ALOX12B: variants seen among roughly 807,000 people sequenced by gnomAD.
The protein encoded by ALOX12B is arachidonate 12-lipoxygenase, 12R-type.
ALOX12B carries 47 observed loss-of-function variants against 78.9 expected under a neutral mutation model. The ratio of observed to expected loss-of-function variants is 0.60; its 90% confidence interval spans 0.47 to 0.76. ALOX12B has a LOEUF of 0.76. ALOX12B is among the 30% of genes least tolerant of loss of function. The pLI, the probability that ALOX12B is intolerant of heterozygous loss-of-function variation, is 0.00. For missense variants in ALOX12B, 805 were observed against 922.6 expected (o/e 0.87, Z 1.65); for synonymous variants, 370 against 374.5 (o/e 0.99, Z 0.14).
rs2151820983 is a variant in ALOX12B, at chr17:8,073,147, C to T, written c.1926+1G>A. On this transcript the variant is annotated splice_donor_variant, in intron 14 of 14. Transcript: ENST00000647874. LOFTEE classifies it high-confidence loss of function. ...TCAGAGTCCCCCATCCCGTCTCGCA[C>T]CCTGTCGTCAGGCTCTCGGCTGAGG... The T allele has an allele frequency of 6.2e-7, 1 of 1,614,156 alleles. No homozygotes were observed. The highest frequency in any genetic ancestry group is 1.6e-4 in the Middle Eastern group (1 of 6,062).
At chr17:8,081,289 G>A (rs1977213374) in intron 2 of ALOX12B, 102 bp from the exon 3 acceptor site, 2 of 1,202,902 alleles carry the variant, frequency 1.7e-6, no homozygotes, top group Non-Finnish European at 2.4e-6. Flanking sequence ...CTCTGGGGGG[G>A]CCCATGACCA....
rs773652735 is a variant in ALOX12B at position 8,081,151 on chromosome 17, A to T, written c.389T>A (p.Leu130Gln). 1 of 1,613,688 alleles carries T rather than the reference A, an allele frequency of 6.2e-7. No individual in the cohort carries two copies. The highest frequency in any genetic ancestry group is 8.5e-7 in the Non-Finnish European group (1 of 1,179,950). The change falls in exon 3 of 15, where the codon CTG (leucine) becomes CAG (glutamine). Residue 130 changes from leucine to glutamine, a missense_variant. By Grantham distance (113) the Leu-to-Gln change is moderately radical. Transcript: ENST00000647874. ...TCTGATCTCCTCTTTTCTGTGCTCC[A>T]GGAGGACGGGGAGCGAGTCATCTGC... ...TTADDSLPVL[L>Q]EHRKEEIRAK... is the part of the protein sequence containing the mutation.
chr17:8,080,196 T>A lies in ALOX12B; in HGVS notation c.754+39A>T. 1 of 1,603,378 alleles carries A rather than the reference T, an allele frequency of 6.2e-7. No individual in the cohort carries two copies. The highest frequency in any genetic ancestry group is 8.5e-7 in the Non-Finnish European group (1 of 1,170,354). ...CCTGCCTAGCACGCCGGAGACCGCC[T>A]GGCTCCCCCTGCTCGATCCGGGACG... On this transcript the variant is annotated intron_variant, in intron 6 of 14. Transcript: ENST00000647874. The surrounding 1 kb of genome is among the most constrained non-coding windows in gnomAD (Gnocchi z 4.8).
At chr17:8,073,574 G>T in intron 13 of ALOX12B, 83 bp downstream of exon 13, 1 of 1,306,258 alleles carries the variant, frequency 7.7e-7, no homozygotes, top group Non-Finnish European at 1.1e-6. Flanking sequence ...TTATGGCTGA[G>T]GCTGGGTTTG....
Position 8,076,119 on chromosome 17 carries a change from C to T in ALOX12B, c.1532+56G>A, listed in dbSNP as rs1598178312. The T allele has an allele frequency of 5.0e-6, 8 of 1,609,958 alleles. No homozygotes were observed. The East Asian group carries it at 1.8e-4, about 36-fold the overall frequency. On this transcript the variant is annotated intron_variant, in intron 11 of 14. Coordinates refer to ENST00000647874, the MANE Select transcript of ALOX12B (RefSeq NM_001139.3). Reference sequence around the variant, plus strand: ...GTTCTCTAGAAGCTCCCCACACCCTCTCCAACATCCCAGGTTGTCCACCCT... The same window carrying T: ...GTTCTCTAGAAGCTCCCCACACCCTTTCCAACATCCCAGGTTGTCCACCCT...
At position 8,073,324 on chromosome 17, in the gene ALOX12B, G is replaced by T. The variant is rs1457402512; in HGVS notation, c.1756-6C>A. The T allele has an allele frequency of 1.9e-6, 3 of 1,614,180 alleles. No homozygotes were observed. The highest frequency in any genetic ancestry group is 3.3e-5 in the Admixed American group (2 of 60,034). On this transcript the variant is annotated splice_region_variant and splice_polypyrimidine_tract_variant and intron_variant, in intron 13 of 14. Transcript: ENST00000647874. ...ATCCAGGCGGTGAACTCCATCTGGA[G>T]GTGGGATAGAGGCGCGGGTCTGGGT...
At chr17:8,083,054 T>A (rs1013453893) in intron 2 of ALOX12B, among the ~76,000 whole-genome samples, 5 of 152,184 alleles carry the variant, frequency 3.3e-5, no homozygotes, top group African/African-American at 4.8e-5. Context: ...CTATATACAA[T>A]CTTTATTTAA....
At position 8,080,735 on chromosome 17, in the gene ALOX12B, C is replaced by T; in HGVS notation, c.573G>A (p.Lys191=). 1 of 1,614,150 alleles carries T rather than the reference C, an allele frequency of 6.2e-7. No individual in the cohort carries two copies. The highest frequency in any genetic ancestry group is 2.2e-5 in the East Asian group (1 of 44,870). ...IPGFPILINF[K]ATKFLNLNLR... is the part of the protein sequence containing the mutation. Reference sequence around the variant, plus strand: ...GATTTAAGTTCAGGAACTTGGTGGCCTTAAAGTTGATGAGAATTGGGAATC... The same window carrying T: ...GATTTAAGTTCAGGAACTTGGTGGCTTTAAAGTTGATGAGAATTGGGAATC... The change falls in exon 5 of 15, where the codon AAG becomes AAA. Residue 191 remains lysine, a synonymous_variant. Coordinates refer to ENST00000647874, the MANE Select transcript of ALOX12B (RefSeq NM_001139.3). This position sits in a 1 kb window ranked among gnomAD's most constrained non-coding sequence, Gnocchi z 4.8.
Position 8,080,203 on chromosome 17 carries a change from C to T in ALOX12B, c.754+32G>A, listed in dbSNP as rs183841850. ...AGCACGCCGGAGACCGCCTGGCTCC[C>T]CCTGCTCGATCCGGGACGCCCCATT... On this transcript the variant is annotated intron_variant, in intron 6 of 14. Transcript: ENST00000647874. The surrounding 1 kb of genome is among the most constrained non-coding windows in gnomAD (Gnocchi z 4.8). The T allele has an allele frequency of 8.7e-6, 14 of 1,607,698 alleles. No individual in the cohort carries two copies. In the East Asian group the frequency reaches 3.1e-4, roughly 36 times the overall value.
In ALOX12B at chr17:8,080,876, G is replaced by A; in HGVS notation, c.527+8C>T. 6.2e-7 allele frequency: 1 copy of A among 1,613,960 alleles called. No individual in the cohort carries two copies. The highest frequency in any genetic ancestry group is 1.1e-5 in the South Asian group (1 of 91,076). ...TGGGCGGGGCCCAGCACAGCTTCGGGTCCTTACTCAGGCCGGTTGGGGTTG... is the reference window on the plus strand; with the variant it reads ...TGGGCGGGGCCCAGCACAGCTTCGGATCCTTACTCAGGCCGGTTGGGGTTG... On this transcript the variant is annotated splice_region_variant and intron_variant, in intron 4 of 14. Coordinates refer to ENST00000647874, the MANE Select transcript of ALOX12B (RefSeq NM_001139.3). This position sits in a 1 kb window ranked among gnomAD's most constrained non-coding sequence, Gnocchi z 4.8.
Position 8,080,193 on chromosome 17 carries a change from G to A in ALOX12B, c.754+42C>T. The stretch of plus-strand genomic sequence containing the variant: ...GGGCCTGCCTAGCACGCCGGAGACC[G>A]CCTGGCTCCCCCTGCTCGATCCGGG... On this transcript the variant is annotated intron_variant, in intron 6 of 14. Transcript: ENST00000647874. This position sits in a 1 kb window ranked among gnomAD's most constrained non-coding sequence, Gnocchi z 4.8. 1 of 1,599,590 alleles carries A rather than the reference G, an allele frequency of 6.3e-7. No individual in the cohort carries two copies. Among genetic ancestry groups the A allele is most frequent in the Non-Finnish European group, 8.6e-7 (1 of 1,166,922 alleles).
intron 12 of ALOX12B, 120 bp from the exon 13 acceptor site, chr17:8,073,877 G>C: frequency 1.3e-6 from 1 of 796,026 alleles, no homozygotes; most frequent in Non-Finnish European, 2.2e-6. Flanking sequence ...TGCCGCATCC[G>C]TACCCTCATC....
rs558690816 is a variant in ALOX12B, at chr17:8,072,652, G to GT, written c.*118dup. On this transcript the variant is annotated 3_prime_UTR_variant, in exon 15 of 15. Coordinates refer to ENST00000647874, the MANE Select transcript of ALOX12B (RefSeq NM_001139.3). ...AGACCCAGGGAAAGGAAGGTTTTTT[G>GT]TTTTTTTGTTTGTTTGGTGTTTTGG... 1.6e-3 allele frequency: 2,360 copies of GT among 1,438,474 alleles called. 10 individuals are homozygous for GT. The highest frequency in any genetic ancestry group is 3.5e-3 in the Middle Eastern group (16 of 4,514). 89.1% of individuals were successfully genotyped at this position (1,438,474 alleles called of 1,614,324 possible).
At position 8,076,641 on chromosome 17, in the gene ALOX12B, G is replaced by A. The variant is rs1390213164; in HGVS notation, c.1362+16C>T. Reference sequence around the variant, plus strand: ...GAAAACAAATGTCTCGTTGGGGTTGGGGGCAGAAGTCTTACCTTGGCAGAG... The same window carrying A: ...GAAAACAAATGTCTCGTTGGGGTTGAGGGCAGAAGTCTTACCTTGGCAGAG... On this transcript the variant is annotated intron_variant, in intron 10 of 14. Coordinates refer to ENST00000647874, the MANE Select transcript of ALOX12B (RefSeq NM_001139.3). 2 of 1,549,582 alleles carry A rather than the reference G, an allele frequency of 1.3e-6. No homozygotes were observed. Among genetic ancestry groups the A allele is most frequent in the East Asian group, 4.9e-5 (2 of 40,910 alleles).
At chr17:8,078,752 G>A (rs954944448) in intron 8 of ALOX12B, among the ~76,000 whole-genome samples, 1 of 151,910 alleles carries the variant, frequency 6.6e-6, no homozygotes, top group African/African-American at 2.4e-5. Context: ...AAGCCTATTC[G>A]GGCATACAAA....
At chr17:8,086,587 T>C (rs1031557800) in intron 1 of ALOX12B, among the ~76,000 whole-genome samples, 1 of 152,118 alleles carries the variant, frequency 6.6e-6, no homozygotes, top group African/African-American at 2.4e-5. Context: ...GCCAGCCCCT[T>C]CTCCCATTCA....
Position 8,079,511 on chromosome 17 carries a change from C to A in ALOX12B, c.956G>T (p.Arg319Leu). 6.4e-7 allele frequency: 1 copy of A among 1,550,832 alleles called. No individual in the cohort carries two copies. The highest frequency in any genetic ancestry group is 8.7e-7 in the Non-Finnish European group (1 of 1,146,970). ...CACGGTGGGGATGCCCTCCATGATG[C>A]GGTAGTCGGCCAGGTAAATGTTCCC... The part of the protein sequence containing the change: ...EKGNIYLADY[R>L]IMEGIPTVEL... The change falls in exon 8 of 15, where the codon CGC becomes CTC. Residue 319 changes from arginine (R) to leucine (L), a missense_variant. Transcript: ENST00000647874. The surrounding 1 kb of genome is among the most constrained non-coding windows in gnomAD (Gnocchi z 6.4).
Position 8,087,582 on chromosome 17 carries a change from C to A in ALOX12B, c.-140G>T. 1 of 1,424,728 alleles carries A rather than the reference C, an allele frequency of 7.0e-7. No homozygotes were observed. 88.3% of individuals were successfully genotyped at this position (1,424,728 alleles called of 1,614,324 possible). On this transcript the variant is annotated 5_prime_UTR_variant, in exon 1 of 15. Transcript: ENST00000647874. ...CCTCCGAGGTGCAGTGGTGAGGTGG[C>A]GAGGTGGGGTGACTAGGCCTGCCAG...
rs762319950 is a variant in ALOX12B at position 8,079,959 on chromosome 17, G to A, written c.755-18C>T. On this transcript the variant is annotated intron_variant, in intron 6 of 14. Transcript: ENST00000647874. This position sits in a 1 kb window ranked among gnomAD's most constrained non-coding sequence, Gnocchi z 6.4. ...CACGTACTCTGCGAGGACGGCGCGA[G>A]GGCGTCACAAGGAGGCCCGGCCCCC... 7.5e-6 allele frequency: 12 copies of A among 1,608,014 alleles called. No individual in the cohort carries two copies. In the South Asian group the frequency reaches 7.8e-5, roughly 10 times the overall value.
Sources: gnomAD v4.1 joint callset for allele counts (sites outside exome capture counted in the v4.1 genomes callset) on GRCh38, gnomAD v4.1.1 for gene constraint, Gnocchi (gnomAD v3.1) non-coding constraint, MANE v1.5 for transcripts, NCBI Gene and HGNC (gene_info 2026-07-23, HGNC 2026-07-21) for gene names.